The following DOCK3 variants were observed in gnomAD, a reference collection of about 807,000 sequenced individuals.
The protein encoded by DOCK3 is dedicator of cytokinesis protein 3.
A neutral mutation model predicts 265.6 loss-of-function variants in DOCK3; 60 were observed. The ratio of observed to expected loss-of-function variants is 0.23; its 90% CI spans 0.18 to 0.28. DOCK3 has a LOEUF of 0.28. Among genes scored for constraint, DOCK3 ranks in the 10% least tolerant of loss-of-function variants. The probability of loss-of-function intolerance (pLI) is 1.00; values close to 1 mark genes in which losing one functional copy is unlikely to be tolerated. For synonymous variants in DOCK3, 881 were observed against 938.0 expected, an observed-to-expected ratio of 0.94 and a Z score of 1.11; for missense variants, 1,981 against 2,594.3, an observed-to-expected ratio of 0.76 and a Z score of 5.14.
At chr3:51,287,319 C>T (rs2081461279) in intron 27 of DOCK3, among the ~76,000 whole-genome samples, 2 of 152,140 alleles carry the variant, frequency 1.3e-5, no homozygotes, top group South Asian at 4.2e-4. Context: ...GAGGCTGAGG[C>T]AGCAAGATCA....
chr3:51,297,791 A>G (rs547917699), intron 27 of DOCK3, among the ~76,000 whole-genome samples: 1 of 29,088 alleles, frequency 3.4e-5, no homozygotes, highest in East Asian at 1.2e-3. Context: ...AATAATAATA[A>G]TAATTTTTTT....
chr3:51,031,271 G>A (rs1374699702), intron 5 of DOCK3, among the ~76,000 whole-genome samples: 2 of 152,124 alleles, frequency 1.3e-5, no homozygotes, highest in African/African-American at 4.8e-5. Context: ...TAAGGGTTGA[G>A]CCTTAGAAAG....
At chr3:51,166,747 C>T (rs146833565) in intron 12 of DOCK3, among the ~76,000 whole-genome samples, 11 of 152,222 alleles carry the variant, frequency 7.2e-5, no homozygotes, top group Admixed American at 7.2e-4. Context: ...ACCTGTTGGC[C>T]ATTTGTGTGT....
intron 19 of DOCK3, among the ~76,000 whole-genome samples, chr3:51,230,990 TGTTA>T (rs2090523703): frequency 6.6e-6 from 1 of 152,116 alleles, no homozygotes; most frequent in Non-Finnish European, 1.5e-5. Flanking sequence ...CTGGGTCAAA[TGTTA>T]GTTCTAAGTT....
intron 13 of DOCK3, among the ~76,000 whole-genome samples, chr3:51,211,621 T>TG (rs2089504087): frequency 6.7e-4 from 17 of 25,332 alleles, no homozygotes; most frequent in Admixed American, 5.0e-3. Context: ...GTTTGGTTTT[T>TG]TTCCTTGCGA....
At chr3:51,086,911 C>T (rs530751694) in intron 7 of DOCK3, among the ~76,000 whole-genome samples, 2 of 152,092 alleles carry the variant, frequency 1.3e-5, no homozygotes, top group Non-Finnish European at 2.9e-5. Context: ...CACAATCTAC[C>T]AAGATTGAAT....
Position 50,959,728 on chromosome 3 carries a change from C to T in DOCK3, c.315+25651C>T, listed in dbSNP as rs1277058857. 3.9e-5 allele frequency among the ~76,000 whole-genome samples: 6 copies of T among 152,036 alleles called. No homozygotes were observed. The East Asian group carries it at 5.8e-4, about 15-fold the overall frequency. On this transcript the variant is annotated intron_variant, in intron 5 of 52. Transcript: ENST00000266037. ...CAGAGTAGCTGAGACTACAGGTGCC[C>T]GCCACCACGCCCGGCTAATTTTTTT...
intron 19 of DOCK3, among the ~76,000 whole-genome samples, chr3:51,233,917 A>G (rs1329591893): frequency 6.6e-6 from 1 of 152,186 alleles, no homozygotes. Flanking sequence ...ACAATTTTGC[A>G]GTGAACATGG....
At chr3:50,933,881 A>C in intron 4 of DOCK3, 100 bp from the exon 5 acceptor site, 1 of 700,420 alleles carries the variant, frequency 1.4e-6, no homozygotes, top group Non-Finnish European at 2.3e-6. Flanking sequence ...TATTTGCATA[A>C]ATTTAAAATT....
intron 10 of DOCK3, 77 bp from the exon 11 acceptor site, chr3:51,159,167 A>ACT: frequency 2.1e-6 from 3 of 1,433,830 alleles, no homozygotes; most frequent in Non-Finnish European, 2.9e-6. Flanking sequence ...GTAAAAGCAA[A>ACT]TGACTAGAGA....
At position 51,381,381 on chromosome 3, in the gene DOCK3, C is replaced by A. The variant is rs112258774; in HGVS notation, c.5915C>A (p.Ala1972Glu). 1.2e-5 allele frequency: 19 copies of A among 1,612,714 alleles called. No individual in the cohort carries two copies. In the African/African-American group the frequency reaches 1.2e-4, roughly 10 times the overall value. The change falls in exon 53 of 53, where the codon GCG becomes GAG. Residue 1972 changes from alanine to glutamate, a missense_variant. Ala to Glu is a moderately radical substitution (Grantham distance 107). This residue lies in a region of DOCK3 where 149 missense variants were observed against 144.7 expected (regional missense o/e 1.03). Transcript: ENST00000266037. This position sits in a 1 kb window ranked among gnomAD's most constrained non-coding sequence, Gnocchi z 5.6. ...VIPQDPMDPP[A>E]LPPKPYHPRL... Reference sequence around the variant, plus strand: ...CCTCAGGACCCCATGGACCCGCCTGCGCTGCCGCCCAAGCCCTACCACCCC... The same window carrying A: ...CCTCAGGACCCCATGGACCCGCCTGAGCTGCCGCCCAAGCCCTACCACCCC...
chr3:51,265,435 G>A (rs2080111102), intron 23 of DOCK3, among the ~76,000 whole-genome samples: 1 of 152,090 alleles, frequency 6.6e-6, no homozygotes, highest in African/African-American at 2.4e-5. Context: ...GATGAACATT[G>A]ATGCGAAAAT....
intron 23 of DOCK3, among the ~76,000 whole-genome samples, chr3:51,261,415 C>G (rs1418440182): frequency 6.6e-6 from 1 of 152,194 alleles, no homozygotes; most frequent in Non-Finnish European, 1.5e-5. Flanking sequence ...TCTTTGCAAC[C>G]TGCAGACCAG....
At chr3:50,999,328 G>A (rs1249326966) in intron 5 of DOCK3, among the ~76,000 whole-genome samples, 1 of 152,236 alleles carries the variant, frequency 6.6e-6, no homozygotes, top group African/African-American at 2.4e-5. Flanking sequence ...CAGAGCCATT[G>A]CAGTGGAGAT....
intron 2 of DOCK3, among the ~76,000 whole-genome samples, chr3:50,835,375 T>G (rs1227886993): frequency 6.6e-6 from 1 of 152,244 alleles, no homozygotes; most frequent in Non-Finnish European, 1.5e-5. Flanking sequence ...ATATTTGATA[T>G]AAGTGCTTAT....
At chr3:51,319,137 T>C (rs1476891566) in intron 32 of DOCK3, among the ~76,000 whole-genome samples, 2 of 152,178 alleles carry the variant, frequency 1.3e-5, no homozygotes, top group Non-Finnish European at 2.9e-5. Flanking sequence ...TATTCACCAG[T>C]GTTTTACCAG....
At chr3:50,922,561 A>G (rs1032433929) in intron 4 of DOCK3, among the ~76,000 whole-genome samples, 1 of 152,162 alleles carries the variant, frequency 6.6e-6, no homozygotes, top group Non-Finnish European at 1.5e-5. Context: ...GACAAGCCCC[A>G]GTGAGATGAA....
chr3:50,909,173 C>A (rs1240700845), intron 4 of DOCK3, among the ~76,000 whole-genome samples: 1 of 151,926 alleles, frequency 6.6e-6, no homozygotes, highest in Non-Finnish European at 1.5e-5. Flanking sequence ...ATCCATCTTG[C>A]CATTCTGTGT....
intron 12 of DOCK3, among the ~76,000 whole-genome samples, chr3:51,190,135 G>C (rs1054100340): frequency 5.9e-5 from 9 of 152,180 alleles, no homozygotes; most frequent in Non-Finnish European, 1.3e-4. Context: ...GAGACTCAAG[G>C]CCTGCCATCT....
Sources: gnomAD v4.1 joint callset for allele counts (sites outside exome capture counted in the v4.1 genomes callset) on GRCh38, gnomAD v4.1.1 for gene constraint, gnomAD v4.1.1 regional missense constraint, Gnocchi (gnomAD v3.1) non-coding constraint, MANE v1.5 for transcripts, NCBI Gene and HGNC (gene_info 2026-07-23, HGNC 2026-07-21) for gene names.